Variants in CSTF3 observed in about 807,000 individuals in gnomAD.
CSTF3 encodes cleavage stimulation factor subunit 3.
A neutral mutation model predicts 105.8 loss-of-function variants in CSTF3; 29 were observed. The observed-to-expected ratio is 0.27, with a 90% confidence interval of 0.20 to 0.37. The LOEUF (loss-of-function observed/expected upper bound fraction) is 0.37. Among genes scored for constraint, CSTF3 ranks in the 10% least tolerant of loss-of-function variants. The pLI, the probability that CSTF3 is intolerant of heterozygous loss-of-function variation, is 1.00. For missense variants in CSTF3, 357 were observed against 879.3 expected (o/e 0.41, Z 7.51); for synonymous variants, 252 against 281.9 (o/e 0.89, Z 1.06).
At chr11:33,140,491 C>T (rs1855698585) in intron 3 of CSTF3, among the ~76,000 whole-genome samples, 1 of 151,984 alleles carries the variant, frequency 6.6e-6, no homozygotes, top group Non-Finnish European at 1.5e-5. Flanking sequence ...AGTAATTTCC[C>T]TCCCCACCAA....
chr11:33,096,781 G>A, intron 14 of CSTF3, 54 bp downstream of exon 14: 14 of 1,510,868 alleles, frequency 9.3e-6, no homozygotes, highest in South Asian at 7.5e-5. Flanking sequence ...TTTCTTTTAC[G>A]AACCTCAGAT....
chr11:33,100,261 A>C (rs1443136484), intron 10 of CSTF3, among the ~76,000 whole-genome samples: 1 of 151,390 alleles, frequency 6.6e-6, no homozygotes, highest in Non-Finnish European at 1.5e-5. Context: ...AGGCTGAGGC[A>C]GGAGAATGGC....
Position 33,099,196 on chromosome 11 carries a change from T to C in CSTF3, c.937-46A>G. The C allele has an allele frequency of 6.4e-7, 1 of 1,552,876 alleles. No individual in the cohort carries two copies. The highest frequency in any genetic ancestry group is 8.6e-7 in the Non-Finnish European group (1 of 1,158,180). On this transcript the variant is annotated intron_variant, in intron 11 of 20. Transcript: ENST00000323959. This position sits in a 1 kb window ranked among gnomAD's most constrained non-coding sequence, Gnocchi z 4.1. ...CTCATCTTCAATAATTTTAATATAG[T>C]TGTGAGAGAATAAAATTAATAAAGT...
At chr11:33,126,176 C>A (rs574339777) in intron 3 of CSTF3, among the ~76,000 whole-genome samples, 1 of 152,248 alleles carries the variant, frequency 6.6e-6, no homozygotes, top group East Asian at 1.9e-4. Context: ...TGGTAAAAAT[C>A]TGGTCAGGCA....
At chr11:33,105,857 T>TA (rs752579872) in intron 7 of CSTF3, 26 bp downstream of exon 7, 665 of 1,517,570 alleles carry the variant, frequency 4.4e-4, no homozygotes, top group Middle Eastern at 6.9e-4. Context: ...ACTGTAGATG[T>TA]AAAAAAAAAC....
At chr11:33,094,951 TAC>T in intron 15 of CSTF3, among the ~76,000 whole-genome samples, 2 of 152,160 alleles carry the variant, frequency 1.3e-5, no homozygotes, top group Non-Finnish European at 2.9e-5. Flanking sequence ...CAGGCTGGAG[TAC>T]AATGGCGCAA....
rs544013622 is a variant in CSTF3 at position 33,138,507 on chromosome 11, T to G, written c.225+3160A>C. ...CTCTGACTGGGGCATTCCACTTAAC[T>G]CAAGTGTTTAAAACCTCTCATTTAT... On this transcript the variant is annotated intron_variant, in intron 3 of 20. Transcript: ENST00000323959. 2.0e-4 allele frequency among the ~76,000 whole-genome samples: 30 copies of G among 151,938 alleles called. No individual in the cohort carries two copies. The South Asian group carries it at 6.2e-3, about 32-fold the overall frequency.
At chr11:33,110,847 A>T (rs1424212255) in intron 3 of CSTF3, among the ~76,000 whole-genome samples, 1 of 152,170 alleles carries the variant, frequency 6.6e-6, no homozygotes, top group Non-Finnish European at 1.5e-5. Flanking sequence ...TTGTTACAGC[A>T]TTTTTGAAAA....
At chr11:33,159,595 CA>C (rs71034656) in intron 1 of CSTF3, among the ~76,000 whole-genome samples, 890 of 37,830 alleles carry the variant, frequency 0.024, 2 homozygotes, top group African/African-American at 0.071. Context: ...GGCTCCATCT[CA>C]AAAAAAAAAA....
At position 33,102,316 on chromosome 11, in the gene CSTF3, G is replaced by A. The variant is rs777316453; in HGVS notation, c.687C>T (p.Gly229=). The A allele has an allele frequency of 2.5e-6, 4 of 1,614,014 alleles. No homozygotes were observed. The East Asian group carries it at 8.9e-5, about 36-fold the overall frequency. ...GCACCGAGGGAGCATTACGGTCCAA[G>A]CCTTTCATTACTGTCTCATATTCCT... The part of the protein sequence containing the change: ...VAKEYETVMK[G]LDRNAPSVPP... The change falls in exon 10 of 21, where the codon GGC becomes GGT. Residue 229 remains glycine, a synonymous_variant. Transcript: ENST00000323959.
intron 3 of CSTF3, among the ~76,000 whole-genome samples, chr11:33,113,494 G>A (rs1565008431): frequency 6.6e-6 from 1 of 151,870 alleles, no homozygotes; most frequent in Non-Finnish European, 1.5e-5. Flanking sequence ...TTCAGCCTGG[G>A]TGACACAGCA....
chr11:33,087,248 G>A, intron 17 of CSTF3, 107 bp from the exon 18 acceptor site: 2 of 1,134,238 alleles, frequency 1.8e-6, no homozygotes, highest in Non-Finnish European at 1.3e-6. Context: ...CAAAACCACA[G>A]AAAGAAAATG....
At chr11:33,131,995 G>A (rs117053372) in intron 3 of CSTF3, among the ~76,000 whole-genome samples, 4,841 of 152,190 alleles carry the variant, frequency 0.032, 96 homozygotes, top group South Asian at 0.065. Context: ...CTATGTAGAG[G>A]TGCACAGGTA....
Position 33,099,508 on chromosome 11 carries a change from C to A in CSTF3, c.936+100G>T. The A allele has an allele frequency of 1.2e-6, 1 of 818,372 alleles. No individual in the cohort carries two copies. The highest frequency in any genetic ancestry group is 1.7e-5 in the South Asian group (1 of 60,132). The allele number at this position is 818,372 out of a possible 1,614,324, so 50.7% of individuals were successfully genotyped here. ...TGAACGTAAACTTAAATTTTCAATA[C>A]TTATGCTTTATTACCAAAATTCAGT... On this transcript the variant is annotated intron_variant, in intron 11 of 20. Coordinates refer to ENST00000323959, the MANE Select transcript of CSTF3 (RefSeq NM_001326.3). This position sits in a 1 kb window ranked among gnomAD's most constrained non-coding sequence, Gnocchi z 4.1.
intron 18 of CSTF3, 73 bp downstream of exon 18, chr11:33,086,913 CTT>C: frequency 6.4e-7 from 1 of 1,554,484 alleles, no homozygotes; most frequent in Non-Finnish European, 8.9e-7. Flanking sequence ...GGCCATGTCA[CTT>C]TACCCCCACG....
At chr11:33,104,716 G>A (rs1855311345) in intron 8 of CSTF3, among the ~76,000 whole-genome samples, 1 of 152,146 alleles carries the variant, frequency 6.6e-6, no homozygotes, top group South Asian at 2.1e-4. Context: ...AATGAGCTGT[G>A]ATTGTGCCAC....
chr11:33,112,999 C>T (rs1855394891), intron 3 of CSTF3, among the ~76,000 whole-genome samples: 1 of 151,446 alleles, frequency 6.6e-6, no homozygotes, highest in Non-Finnish European at 1.5e-5. Context: ...CTTGAGGCCA[C>T]GAATTCAAGA....
At chr11:33,115,318 T>C (rs1169699898) in intron 3 of CSTF3, among the ~76,000 whole-genome samples, 1 of 152,230 alleles carries the variant, frequency 6.6e-6, no homozygotes, top group Non-Finnish European at 1.5e-5. Flanking sequence ...ATTTACTTTT[T>C]CACTACTCTT....
intron 10 of CSTF3, among the ~76,000 whole-genome samples, chr11:33,100,436 A>G (rs1020483844): frequency 1.3e-5 from 2 of 151,454 alleles, no homozygotes; most frequent in Non-Finnish European, 2.9e-5. Context: ...GGCTCAAGCA[A>G]TCCTCCTGCC....
Sources: gnomAD v4.1 joint callset for allele counts (sites outside exome capture counted in the v4.1 genomes callset) on GRCh38, gnomAD v4.1.1 for gene constraint, Gnocchi (gnomAD v3.1) non-coding constraint, MANE v1.5 for transcripts, NCBI Gene and HGNC (gene_info 2026-07-23, HGNC 2026-07-21) for gene names.